The following SPATA17 variants were observed in gnomAD, a reference collection of about 807,000 sequenced individuals.
The protein encoded by SPATA17 is spermatogenesis associated 17.
In SPATA17, 53 loss-of-function variants were observed where a neutral mutation model predicts 62.2. The observed-to-expected ratio is 0.85, with a 90% CI of 0.68 to 1.07. The LOEUF (loss-of-function observed/expected upper bound fraction) is 1.07, where lower values mean the gene tolerates loss of function less well. Among genes scored for constraint, SPATA17 ranks in the 50% least tolerant of loss-of-function variants. SPATA17 has a pLI of 0.00. For missense variants in SPATA17, 466 were observed against 425.5 expected, an observed-to-expected ratio of 1.10 and a Z score of -0.84; for synonymous variants, 146 against 146.8, an observed-to-expected ratio of 0.99 and a Z score of 0.04.
intron 9 of SPATA17, among the ~76,000 whole-genome samples, chr1:217,860,597 C>T (rs1024854057): frequency 6.6e-6 from 1 of 152,066 alleles, no homozygotes; most frequent in Non-Finnish European, 1.5e-5. Flanking sequence ...TATAATGCTC[C>T]TCTTTATTCC....
At chr1:217,641,139 C>T (rs1185912485) in intron 1 of SPATA17, among the ~76,000 whole-genome samples, 5 of 152,088 alleles carry the variant, frequency 3.3e-5, no homozygotes. Flanking sequence ...TAGTACAAAA[C>T]TTGTCCTCTG....
intron 9 of SPATA17, among the ~76,000 whole-genome samples, chr1:217,817,610 A>G (rs1674753802): frequency 6.6e-6 from 1 of 152,082 alleles, no homozygotes; most frequent in Non-Finnish European, 1.5e-5. Flanking sequence ...GTCTATCCAA[A>G]GTAAGATCCT....
rs565726301 is a variant in SPATA17 at position 217,836,685 on chromosome 1, G to A, written c.1006-26089G>A. On this transcript the variant is annotated intron_variant, in intron 9 of 10. Coordinates refer to ENST00000366933, the MANE Select transcript of SPATA17 (RefSeq NM_138796.4). ...AGATGTTTCCAAGCAAAGGTCTTTG[G>A]ATGGAGCAAATCAAAATTTGGGTTA... is the stretch of plus-strand genomic sequence containing the variant. Among the ~76,000 whole-genome samples the A allele has an allele frequency of 3.9e-5, 6 of 152,216 alleles. No homozygotes were observed. In the South Asian group the frequency reaches 6.2e-4, roughly 16 times the overall value.
intron 6 of SPATA17, among the ~76,000 whole-genome samples, chr1:217,752,312 G>A (rs1043261540): frequency 6.6e-6 from 1 of 152,108 alleles, no homozygotes; most frequent in Non-Finnish European, 1.5e-5. Context: ...ACAGGCATGA[G>A]CCACCACACC....
intron 5 of SPATA17, among the ~76,000 whole-genome samples, chr1:217,689,539 G>A (rs775898245): frequency 1.3e-5 from 2 of 151,920 alleles, no homozygotes; most frequent in Non-Finnish European, 2.9e-5. Flanking sequence ...TTGTGTGCCG[G>A]AAATTATTCT....
chr1:217,709,558 C>G (rs1047226102), intron 5 of SPATA17, among the ~76,000 whole-genome samples: 34 of 152,312 alleles, frequency 2.2e-4, no homozygotes, highest in African/African-American at 7.5e-4. Flanking sequence ...ATGGAAGCTA[C>G]ATTTGTCTCA....
chr1:217,654,627 T>C (rs1284022011), intron 3 of SPATA17, among the ~76,000 whole-genome samples: 1 of 152,180 alleles, frequency 6.6e-6, no homozygotes, highest in African/African-American at 2.4e-5. Context: ...CATTTTTCTC[T>C]ATATACATTA....
intron 6 of SPATA17, among the ~76,000 whole-genome samples, chr1:217,770,979 T>A (rs7553345): frequency 0.13 from 2,674 of 19,882 alleles, 164 homozygotes; most frequent in Non-Finnish European, 0.19. Flanking sequence ...ACTCATTGCA[T>A]TTTTTTTTTT....
intron 3 of SPATA17, among the ~76,000 whole-genome samples, chr1:217,661,977 A>T (rs2102891558): frequency 6.6e-6 from 1 of 152,286 alleles, no homozygotes; most frequent in Non-Finnish European, 1.5e-5. Context: ...ATAAATGGGG[A>T]AATAAAAATA....
At chr1:217,654,628 A>G (rs1670395261) in intron 3 of SPATA17, among the ~76,000 whole-genome samples, 3 of 151,724 alleles carry the variant, frequency 2.0e-5, no homozygotes, top group Admixed American at 6.6e-5. Context: ...ATTTTTCTCT[A>G]TATACATTAT....
intron 5 of SPATA17, among the ~76,000 whole-genome samples, chr1:217,724,144 G>A (rs1036484504): frequency 3.3e-5 from 5 of 152,180 alleles, no homozygotes; most frequent in African/African-American, 1.2e-4. Flanking sequence ...TGTCCATGGT[G>A]TTTGTGCCAT....
chr1:217,732,247 A>G (rs543262172), intron 5 of SPATA17, among the ~76,000 whole-genome samples: 2 of 152,310 alleles, frequency 1.3e-5, no homozygotes, highest in East Asian at 3.9e-4. Context: ...TCATTAGATA[A>G]TTTCTGAAAC....
chr1:217,799,815 G>A (rs1005105472), intron 8 of SPATA17, among the ~76,000 whole-genome samples: 18 of 151,920 alleles, frequency 1.2e-4, no homozygotes, highest in African/African-American at 4.3e-4. Context: ...TCATCTGTGT[G>A]AAAATTTTGG....
intron 6 of SPATA17, among the ~76,000 whole-genome samples, chr1:217,771,194 G>A (rs1673436134): frequency 6.6e-6 from 1 of 151,022 alleles, no homozygotes; most frequent in Admixed American, 6.6e-5. Flanking sequence ...TAGCATGACA[G>A]TACTGCAAAT....
chr1:217,825,906 T>C (rs1334048140), intron 9 of SPATA17, among the ~76,000 whole-genome samples: 1 of 152,166 alleles, frequency 6.6e-6, no homozygotes, highest in Non-Finnish European at 1.5e-5. Flanking sequence ...ATGTAGATTC[T>C]ACACATTTGT....
intron 8 of SPATA17, among the ~76,000 whole-genome samples, chr1:217,796,066 A>G (rs1216867596): frequency 6.6e-6 from 1 of 152,086 alleles, no homozygotes; most frequent in Non-Finnish European, 1.5e-5. Flanking sequence ...CCAAAGTGCT[A>G]AGACTACAGG....
rs950597027 is a variant in SPATA17, at chr1:217,762,697, C to T, written c.520-11637C>T. On this transcript the variant is annotated intron_variant, in intron 6 of 10. Transcript: ENST00000366933. Reference sequence around the variant, plus strand: ...AAAAACAAAACTAAACTAGGCCAGACGCAGTGGCTCTCGCCCGTAATCCCA... The same window carrying T: ...AAAAACAAAACTAAACTAGGCCAGATGCAGTGGCTCTCGCCCGTAATCCCA... 7.9e-5 allele frequency among the ~76,000 whole-genome samples: 12 copies of T among 152,302 alleles called. 1 individual carries two copies. Among genetic ancestry groups the T allele is most frequent in the South Asian group, 4.1e-4 (2 of 4,824 alleles).
chr1:217,662,144 C>A (rs1670585888), intron 3 of SPATA17, among the ~76,000 whole-genome samples: 1 of 151,954 alleles, frequency 6.6e-6, no homozygotes, highest in Admixed American at 6.6e-5. Context: ...TTTAAATTTG[C>A]CTTCCTTTTT....
At chr1:217,722,534 A>G (rs1672157458) in intron 5 of SPATA17, among the ~76,000 whole-genome samples, 1 of 152,168 alleles carries the variant, frequency 6.6e-6, no homozygotes, top group Non-Finnish European at 1.5e-5. Flanking sequence ...AAATCATACC[A>G]GACAAGCACT....
Sources: allele counts gnomAD v4.1 joint callset (sites outside exome capture counted in the v4.1 genomes callset), GRCh38; gene constraint gnomAD v4.1.1; transcripts MANE v1.5; gene names NCBI Gene and HGNC (gene_info 2026-07-23, HGNC 2026-07-21).